Variants in NAGK observed in about 807,000 individuals in gnomAD.
NAGK encodes N-acetyl-D-glucosamine kinase.
NAGK carries 35 observed loss-of-function variants against 42.9 expected under a neutral mutation model. The observed-to-expected ratio is 0.82, with a 90% CI of 0.62 to 1.08. The LOEUF is 1.08. Ranked by LOEUF, NAGK falls within the 50% of genes least tolerant of loss-of-function variation. The pLI is 0.00. For missense variants in NAGK, 446 were observed against 446.0 expected, an observed-to-expected ratio of 1.00 and a Z score of 0.00; for synonymous variants, 172 against 176.0, an observed-to-expected ratio of 0.98 and a Z score of 0.18.
intron 3 of NAGK, chr2:71,071,079 T>G (rs1671986317): frequency 1.9e-6 from 1 of 520,422 alleles, no homozygotes; most frequent in Non-Finnish European, 3.5e-6. Context: ...AATCCCAGCT[T>G]TGCTGCTCAG....
intron 1 of NAGK, 180 bp downstream of exon 1, chr2:71,068,892 G>A (rs1671893391): frequency 3.7e-6 from 5 of 1,337,538 alleles, no homozygotes; most frequent in Non-Finnish European, 4.8e-6. Flanking sequence ...ATGCCTTACG[G>A]GGACTCTGCC....
At chr2:71,068,616 T>G (rs775346375), upstream of NAGK, 14 of 1,524,912 alleles carry the variant, frequency 9.2e-6, no homozygotes, top group African/African-American at 1.4e-5. Context: ...CCCAGACAGC[T>G]GGAGGGAAGG....
At chr2:71,068,613 A>C, upstream of NAGK, 1 of 1,525,380 alleles carries the variant, frequency 6.6e-7, no homozygotes. Flanking sequence ...GTGCCCAGAC[A>C]GCTGGAGGGA....
In NAGK at chr2:71,078,885, C is replaced by A. The variant is rs1404797147; in HGVS notation, c.*377C>A. 5.9e-6 allele frequency: 1 copy of A among 169,854 alleles called. No homozygotes were observed. Among genetic ancestry groups the A allele is most frequent in the East Asian group, 1.7e-4 (1 of 5,732 alleles). The allele number at this position is 169,854 out of a possible 1,614,324, so 10.5% of individuals were successfully genotyped here. The stretch of plus-strand genomic sequence containing the variant: ...CCAGTTAATCTGTGACCTGTTTTCT[C>A]CTGTCGTGTCAAGTGGGTAACGATC... On this transcript the variant is annotated 3_prime_UTR_variant, in exon 10 of 10. Transcript: ENST00000244204.
In NAGK at chr2:71,071,721, G is replaced by A. The variant is rs747348686; in HGVS notation, c.249G>A (p.Ala83=). The A allele has an allele frequency of 5.0e-6, 8 of 1,613,788 alleles. No individual in the cohort carries two copies. Among genetic ancestry groups the A allele is most frequent in the East Asian group, 2.2e-5 (1 of 44,892 alleles). The change falls in exon 4 of 10, where the codon GCG becomes GCA. Residue 83 remains alanine (A), a synonymous_variant. Coordinates refer to ENST00000244204, the MANE Select transcript of NAGK (RefSeq NM_017567.6). ...TGAGCGGTGGGGACCAGGAGGACGC[G>A]GGGAGGATCCTGATCGAGGAGCTGA... ...LSLSGGDQED[A]GRILIEELRD...
At chr2:71,075,710 T>C (rs549075101) in intron 7 of NAGK, 68 bp downstream of exon 7, 1 of 1,448,732 alleles carries the variant, frequency 6.9e-7, no homozygotes, top group East Asian at 2.3e-5. Flanking sequence ...GGAGATTGAG[T>C]GGGGTTCAGA....
At chr2:71,068,562 G>T, upstream of NAGK, 1 of 1,511,520 alleles carries the variant, frequency 6.6e-7, no homozygotes, top group Non-Finnish European at 8.8e-7. Context: ...ACGCGCACAG[G>T]GAGTCAGCTG....
intron 5 of NAGK, 57 bp from the exon 6 acceptor site, chr2:71,073,425 T>A (rs1334651942): frequency 1.7e-6 from 2 of 1,163,260 alleles, no homozygotes; most frequent in African/African-American, 3.1e-5. Flanking sequence ...TGAGTTTCCC[T>A]CCTCGTGAGC....
chr2:71,073,750 G>A (rs1300163201), intron 6 of NAGK, among the ~76,000 whole-genome samples, 156 bp downstream of exon 6: 2 of 152,122 alleles, frequency 1.3e-5, no homozygotes, highest in South Asian at 2.1e-4. Flanking sequence ...TGAGGACAGG[G>A]TGCATTCTAG....
chr2:71,077,068 C>G (rs1184105380), intron 8 of NAGK, among the ~76,000 whole-genome samples: 1 of 152,138 alleles, frequency 6.6e-6, no homozygotes, highest in African/African-American at 2.4e-5. Flanking sequence ...CTCTACCTCC[C>G]AGGTTCAAGT....
rs768722826 is a variant in NAGK at position 71,071,720 on chromosome 2, CG to C, written c.252del (p.Arg85GlyfsTer3). 2.7e-5 allele frequency: 44 copies of C among 1,613,794 alleles called. No homozygotes were observed. The highest frequency in any genetic ancestry group is 3.7e-5 in the Non-Finnish European group (44 of 1,179,986). Reference sequence around the variant, plus strand: ...CTGAGCGGTGGGGACCAGGAGGACGCGGGGAGGATCCTGATCGAGGAGCTGA... The same window carrying C: ...CTGAGCGGTGGGGACCAGGAGGACGCGGGAGGATCCTGATCGAGGAGCTGA... The part of the protein sequence containing the change: ...LSLSGGDQED[A>X]GRILIEELRD... On this transcript the variant is annotated frameshift_variant, in exon 4 of 10. Coordinates refer to ENST00000244204, the MANE Select transcript of NAGK (RefSeq NM_017567.6). LOFTEE classifies it high-confidence loss of function.
At chr2:71,068,647 C>T (rs751439337), upstream of NAGK, 82 of 1,522,504 alleles carry the variant, frequency 5.4e-5, no homozygotes, top group South Asian at 9.4e-4. Flanking sequence ...CGGGGAGAGA[C>T]GCAAACGGCG....
At chr2:71,072,553 C>A in intron 4 of NAGK, 88 bp from the exon 5 acceptor site, 1 of 1,077,928 alleles carries the variant, frequency 9.3e-7, no homozygotes, top group Non-Finnish European at 1.4e-6. Context: ...TTGCCTGGGG[C>A]TGTTTTCTGT....
At position 71,078,836 on chromosome 2, in the gene NAGK, C is replaced by G; in HGVS notation, c.*328C>G. ...GTGTGCTACCCTTCCCCCCATATTA[C>G]CATACATATGCACTGTGTGGCTGCC... On this transcript the variant is annotated 3_prime_UTR_variant, in exon 10 of 10. Transcript: ENST00000244204. 1 of 257,234 alleles carries G rather than the reference C, an allele frequency of 3.9e-6. No homozygotes were observed. Among genetic ancestry groups the G allele is most frequent in the Non-Finnish European group, 7.5e-6 (1 of 132,474 alleles). The allele number at this position is 257,234 out of a possible 1,614,324, so 15.9% of individuals were successfully genotyped here. A position where few individuals can be genotyped will look rare whatever the true frequency, so the allele number is the denominator to read the frequency against.
At chr2:71,076,477 A>G (rs1439846080) in intron 7 of NAGK, 127 bp from the exon 8 acceptor site, 9 of 689,242 alleles carry the variant, frequency 1.3e-5, no homozygotes, top group African/African-American at 1.8e-5. Context: ...GCGGGCATCC[A>G]TCCGGCAGTA....
intron 5 of NAGK, 67 bp from the exon 6 acceptor site, chr2:71,073,415 T>G: frequency 9.5e-7 from 1 of 1,049,274 alleles, no homozygotes; most frequent in Non-Finnish European, 1.4e-6. Flanking sequence ...TGTCTGGATC[T>G]GAGTTTCCCT....
intron 3 of NAGK, chr2:71,071,124 T>C: frequency 7.0e-6 from 3 of 430,226 alleles, no homozygotes; most frequent in Non-Finnish European, 1.3e-5. Flanking sequence ...ACTCACCTTC[T>C]CTAAGCCTCA....
chr2:71,068,328 G>A (rs2103684075), upstream of NAGK: 1 of 549,910 alleles, frequency 1.8e-6, no homozygotes, highest in Non-Finnish European at 2.9e-6. Flanking sequence ...GGCGTTTACA[G>A]GCAGGCAGGT....
intron 9 of NAGK, among the ~76,000 whole-genome samples, chr2:71,077,847 ATGT>A (rs1438564350): frequency 6.6e-6 from 1 of 152,234 alleles, no homozygotes; most frequent in Non-Finnish European, 1.5e-5. Context: ...TCTTGAAAAG[ATGT>A]TGTGTTCCAA....
Sources: allele counts gnomAD v4.1 joint callset (sites outside exome capture counted in the v4.1 genomes callset), GRCh38; gene constraint gnomAD v4.1.1; transcripts MANE v1.5; gene names NCBI Gene and HGNC (gene_info 2026-07-23, HGNC 2026-07-21).